The following EHHADH variants were observed in gnomAD, a reference collection of about 807,000 sequenced individuals.
EHHADH encodes the protein peroxisomal bifunctional enzyme.
EHHADH carries 48 observed loss-of-function variants against 64.4 expected under a neutral mutation model. The observed-to-expected ratio is 0.75, with a 90% confidence interval of 0.59 to 0.95. The LOEUF (loss-of-function observed/expected upper bound fraction) is 0.95. Among genes scored for constraint, EHHADH ranks in the 40% least tolerant of loss-of-function variants. The pLI, the probability that EHHADH is intolerant of heterozygous loss-of-function variation, is 0.00. For synonymous variants in EHHADH, 308 were observed against 326.7 expected, an observed-to-expected ratio of 0.94 and a Z score of 0.62; for missense variants, 854 against 876.6, an observed-to-expected ratio of 0.97 and a Z score of 0.33.
At position 185,203,361 on chromosome 3, in the gene EHHADH, T is replaced by C. The variant is rs954642290; in HGVS notation, c.910+1055A>G. Among the ~76,000 whole-genome samples the C allele has an allele frequency of 1.3e-4, 20 of 152,188 alleles. 1 individual carries two copies. Among genetic ancestry groups the C allele is most frequent in the African/African-American group, 4.6e-4 (19 of 41,554 alleles). ...TAACTTTCCTGCATGTCTTTAATTA[T>C]GATTAAAAAAACTTAAATATAAGAA... On this transcript the variant is annotated intron_variant, in intron 6 of 6. Coordinates refer to ENST00000231887, the MANE Select transcript of EHHADH (RefSeq NM_001966.4).
At chr3:185,220,503 A>C (rs1354684501) in intron 4 of EHHADH, among the ~76,000 whole-genome samples, 1 of 152,214 alleles carries the variant, frequency 6.6e-6, no homozygotes, top group African/African-American at 2.4e-5. Flanking sequence ...GTAATAGGCT[A>C]TACCATCTAG....
chr3:185,203,409 A>G lies in EHHADH; in HGVS notation c.910+1007T>C, dbSNP rs114897435. Among the ~76,000 whole-genome samples the G allele has an allele frequency of 4.6e-3, 708 of 152,292 alleles. 11 individuals are homozygous for G. The highest frequency in any genetic ancestry group is 0.016 in the African/African-American group (680 of 41,566). On this transcript the variant is annotated intron_variant, in intron 6 of 6. Coordinates refer to ENST00000231887, the MANE Select transcript of EHHADH (RefSeq NM_001966.4). Reference sequence around the variant, plus strand: ...GAAAAAAAGAAAAGAAAGAAAGTTGATGCTTTTAGTAAACTATGGACCCTC... The same window carrying G: ...GAAAAAAAGAAAAGAAAGAAAGTTGGTGCTTTTAGTAAACTATGGACCCTC...
chr3:185,210,921 G>A (rs1473570445), intron 5 of EHHADH, among the ~76,000 whole-genome samples: 8 of 152,124 alleles, frequency 5.3e-5, no homozygotes, highest in East Asian at 1.9e-4. Context: ...CTATTATCCC[G>A]GGGACACTGA....
intron 2 of EHHADH, among the ~76,000 whole-genome samples, chr3:185,238,332 A>G (rs960142320): frequency 2.0e-5 from 3 of 152,222 alleles, no homozygotes; most frequent in African/African-American, 7.2e-5. Flanking sequence ...AGAAATCTCC[A>G]TACTGTTTTT....
intron 2 of EHHADH, among the ~76,000 whole-genome samples, chr3:185,247,641 T>C (rs914315545): frequency 1.3e-5 from 2 of 152,186 alleles, no homozygotes; most frequent in African/African-American, 2.4e-5. Flanking sequence ...TTTATATTTA[T>C]TTATTGCCAT....
intron 6 of EHHADH, among the ~76,000 whole-genome samples, chr3:185,200,380 TAAG>T (rs1718190805): frequency 1.3e-5 from 2 of 152,196 alleles, no homozygotes; most frequent in African/African-American, 4.8e-5. Context: ...ATTAAATTAT[TAAG>T]AACACAGTTT....
Position 185,192,689 on chromosome 3 carries a change from C to T in EHHADH, c.1709G>A (p.Arg570Gln), listed in dbSNP as rs151323332. 7.1e-5 allele frequency: 115 copies of T among 1,614,030 alleles called. No homozygotes were observed. The highest frequency in any genetic ancestry group is 9.5e-5 in the Non-Finnish European group (112 of 1,180,020). ...PIPDVLCELG[R>Q]FGQKTGKGWY... ...ACCCTTACCTGTCTTCTGGCCAAATCGTCCTAATTCACAGAGCACATCAGG... is the reference window on the plus strand; with the variant it reads ...ACCCTTACCTGTCTTCTGGCCAAATTGTCCTAATTCACAGAGCACATCAGG... The change falls in exon 7 of 7, where the codon CGA becomes CAA. Residue 570 changes from arginine to glutamine, a missense_variant. By Grantham distance (43) the Arg-to-Gln change is conservative (BLOSUM62 1). Coordinates refer to ENST00000231887, the MANE Select transcript of EHHADH (RefSeq NM_001966.4).
intron 4 of EHHADH, among the ~76,000 whole-genome samples, chr3:185,224,221 C>T (rs6444037): frequency 0.66 from 100,107 of 151,648 alleles, 35,272 homozygotes; most frequent in Non-Finnish European, 0.79. Context: ...AAATTTCGGC[C>T]GGGCGCAGTG....
intron 5 of EHHADH, among the ~76,000 whole-genome samples, chr3:185,208,185 G>A (rs1201689740): frequency 6.6e-6 from 1 of 152,212 alleles, no homozygotes; most frequent in Non-Finnish European, 1.5e-5. Flanking sequence ...AAGCCCACGT[G>A]GCAAAGAACT....
intron 4 of EHHADH, among the ~76,000 whole-genome samples, chr3:185,223,983 T>C (rs908209460): frequency 4.6e-5 from 7 of 152,190 alleles, no homozygotes; most frequent in Non-Finnish European, 8.8e-5. Flanking sequence ...CTAAGGAAAT[T>C]GTGGAGAAGG....
chr3:185,202,863 G>T, intron 6 of EHHADH, among the ~76,000 whole-genome samples: 1 of 152,002 alleles, frequency 6.6e-6, no homozygotes, highest in Non-Finnish European at 1.5e-5. Context: ...GCTGGGCAAG[G>T]GTTAAGAAAG....
chr3:185,229,088 G>A (rs924567527), intron 4 of EHHADH, among the ~76,000 whole-genome samples: 7 of 152,120 alleles, frequency 4.6e-5, no homozygotes, highest in African/African-American at 1.2e-4. Flanking sequence ...GAGCCACTGC[G>A]TGCGGCCTAT....
chr3:185,202,871 A>T (rs1419276734), intron 6 of EHHADH, among the ~76,000 whole-genome samples: 2 of 152,080 alleles, frequency 1.3e-5, no homozygotes, highest in African/African-American at 4.8e-5. Flanking sequence ...AGGGTTAAGA[A>T]AGTTGATGCT....
intron 4 of EHHADH, 41 bp from the exon 5 acceptor site, chr3:185,218,281 C>T (rs1181616607): frequency 7.6e-6 from 11 of 1,452,642 alleles, no homozygotes; most frequent in African/African-American, 2.9e-5. Context: ...AATCAAAGAG[C>T]GATGTAAGAT....
At chr3:185,222,264 A>T (rs6803443) in intron 4 of EHHADH, among the ~76,000 whole-genome samples, 121,178 of 151,850 alleles carry the variant, frequency 0.8, 49,082 homozygotes, top group Non-Finnish European at 0.87. Context: ...GAGCCTGTGG[A>T]CCCAGCTACT....
chr3:185,205,215 G>A (rs968599629), intron 5 of EHHADH, among the ~76,000 whole-genome samples: 2 of 151,988 alleles, frequency 1.3e-5, no homozygotes, highest in African/African-American at 2.4e-5. Flanking sequence ...TACATGTGCA[G>A]GTTTGTTACA....
rs1717885907 is a variant in EHHADH at position 185,192,092 on chromosome 3, C to T, written c.*134G>A. On this transcript the variant is annotated 3_prime_UTR_variant, in exon 7 of 7. Coordinates refer to ENST00000231887, the MANE Select transcript of EHHADH (RefSeq NM_001966.4). ...AGATTTGACCATTAGAGTCGTTACACAGAAGATTCTAATGATTATTTATTT... is the reference window on the plus strand; with the variant it reads ...AGATTTGACCATTAGAGTCGTTACATAGAAGATTCTAATGATTATTTATTT... 2 of 1,066,156 alleles carry T rather than the reference C, an allele frequency of 1.9e-6. No homozygotes were observed. Among genetic ancestry groups the T allele is most frequent in the East Asian group, 2.5e-5 (1 of 40,500 alleles). 66.0% of individuals were successfully genotyped at this position (1,066,156 alleles called of 1,614,324 possible). A position where few individuals can be genotyped will look rare whatever the true frequency, so the allele number is the denominator to read the frequency against.
intron 3 of EHHADH, 70 bp downstream of exon 3, chr3:185,235,220 G>C (rs765558739): frequency 7.3e-7 from 1 of 1,375,654 alleles, no homozygotes; most frequent in Non-Finnish European, 9.8e-7. Flanking sequence ...TGATACTTAT[G>C]ACTACATTTA....
At chr3:185,252,293 G>A (rs749066239) in intron 1 of EHHADH, among the ~76,000 whole-genome samples, 2 of 151,968 alleles carry the variant, frequency 1.3e-5, no homozygotes, top group Non-Finnish European at 2.9e-5. Context: ...CCAGCTACTC[G>A]GGAGGCTGAG....
Sources: gnomAD v4.1 joint callset for allele counts (sites outside exome capture counted in the v4.1 genomes callset) on GRCh38, gnomAD v4.1.1 for gene constraint, MANE v1.5 for transcripts, NCBI Gene and HGNC (gene_info 2026-07-23, HGNC 2026-07-21) for gene names.